PRRG4: variants seen among roughly 807,000 people sequenced by gnomAD.
PRRG4 encodes proline rich and Gla domain 4.
PRRG4 carries 12 observed loss-of-function variants against 20.0 expected under a neutral mutation model. The ratio of observed to expected loss-of-function variants is 0.60; its 90% confidence interval spans 0.38 to 0.97. PRRG4 has a LOEUF of 0.97. PRRG4 is among the 50% of genes least tolerant of loss of function. PRRG4 has a pLI of 0.00. For synonymous variants in PRRG4, 94 were observed against 96.4 expected, an observed-to-expected ratio of 0.98 and a Z score of 0.15; for missense variants, 199 against 265.1, an observed-to-expected ratio of 0.75 and a Z score of 1.73.
chr11:32,851,127 T>A (rs1565118013), intron 5 of PRRG4, among the ~76,000 whole-genome samples: 1 of 152,114 alleles, frequency 6.6e-6, no homozygotes, highest in Non-Finnish European at 1.5e-5. Flanking sequence ...TTTCATTTCT[T>A]AGTTCCTATA....
intron 2 of PRRG4, among the ~76,000 whole-genome samples, chr11:32,832,316 A>G (rs1178521176): frequency 6.6e-6 from 1 of 152,208 alleles, no homozygotes; most frequent in African/African-American, 2.4e-5. Context: ...ACTGTATAAC[A>G]GAAGCCAGAA....
chr11:32,841,590 G>A (rs937683809), intron 5 of PRRG4, among the ~76,000 whole-genome samples: 7 of 152,152 alleles, frequency 4.6e-5, no homozygotes, highest in Admixed American at 4.6e-4. Context: ...CTTGAGGCCA[G>A]GAGTTCAAGA....
intron 5 of PRRG4, among the ~76,000 whole-genome samples, chr11:32,841,657 A>G (rs118003112): frequency 6.6e-6 from 1 of 152,146 alleles, no homozygotes; most frequent in East Asian, 1.9e-4. Flanking sequence ...AAAAAATTCA[A>G]AAATTAGCTG....
At chr11:32,831,981 T>A (rs760193311) in intron 2 of PRRG4, among the ~76,000 whole-genome samples, 10 of 151,988 alleles carry the variant, frequency 6.6e-5, no homozygotes, top group Middle Eastern at 6.8e-3. Context: ...AGAGTGAGAC[T>A]CCATCTCAAA....
rs1328040174 is a variant in PRRG4, at chr11:32,857,325, AT to A, written c.*3803del. 2.6e-5 allele frequency: 4 copies of A among 151,110 alleles called. No individual in the cohort carries two copies. Among genetic ancestry groups the A allele is most frequent in the Non-Finnish European group, 5.9e-5 (4 of 67,878 alleles). 9.4% of individuals were successfully genotyped at this position (151,110 alleles called of 1,614,324 possible). The stretch of plus-strand genomic sequence containing the variant: ...GCCAGCACGCCTTGCAAATTTTTGT[AT>A]TTTTAGTGGAGATGGGGTTTTGCCA... On this transcript the variant is annotated 3_prime_UTR_variant, in exon 6 of 6. Coordinates refer to ENST00000257836, the MANE Select transcript of PRRG4 (RefSeq NM_024081.6).
At chr11:32,849,960 T>C (rs1450180991) in intron 5 of PRRG4, among the ~76,000 whole-genome samples, 1 of 152,258 alleles carries the variant, frequency 6.6e-6, no homozygotes, top group Non-Finnish European at 1.5e-5. Flanking sequence ...TCATTTCCCC[T>C]ATTTAGCAGA....
chr11:32,846,713 C>A (rs1851133841), intron 5 of PRRG4, among the ~76,000 whole-genome samples: 1 of 152,062 alleles, frequency 6.6e-6, no homozygotes, highest in Non-Finnish European at 1.5e-5. Flanking sequence ...TTAGAAAGAA[C>A]TTGGGGCCAC....
At chr11:32,852,028 G>C (rs1851187658) in intron 5 of PRRG4, among the ~76,000 whole-genome samples, 1 of 152,168 alleles carries the variant, frequency 6.6e-6, no homozygotes, top group Non-Finnish European at 1.5e-5. Flanking sequence ...ATAGGTTTAA[G>C]ACCCCAGGCC....
chr11:32,836,880 C>A, intron 3 of PRRG4, 59 bp downstream of exon 3: 1 of 1,403,732 alleles, frequency 7.1e-7, no homozygotes, highest in Non-Finnish European at 9.9e-7. Context: ...AAGAAAGTGG[C>A]ACTTTCAGTT....
At chr11:32,851,270 T>TTA (rs1410766329) in intron 5 of PRRG4, among the ~76,000 whole-genome samples, 1 of 151,702 alleles carries the variant, frequency 6.6e-6, no homozygotes, top group Non-Finnish European at 1.5e-5. Context: ...ACTGATGTAA[T>TTA]TATTACATTG....
chr11:32,839,373 G>T (rs1851053284), intron 4 of PRRG4, among the ~76,000 whole-genome samples: 1 of 152,040 alleles, frequency 6.6e-6, no homozygotes, highest in Non-Finnish European at 1.5e-5. Context: ...ATCATCTCTA[G>T]CTGCATTTTA....
chr11:32,838,454 G>GAA (rs373648250), intron 3 of PRRG4, among the ~76,000 whole-genome samples: 1 of 143,146 alleles, frequency 7.0e-6, no homozygotes, highest in African/African-American at 2.6e-5. Context: ...ATCCTGTCCG[G>GAA]AAAAAAAAAA....
At position 32,854,669 on chromosome 11, in the gene PRRG4, A is replaced by G. The variant is rs1851214732; in HGVS notation, c.*1142A>G. ...TTCACAGAATTTGACATTTCAGTAT[A>G]AATCTGTGACCTTAATATAATCACT... On this transcript the variant is annotated 3_prime_UTR_variant, in exon 6 of 6. Coordinates refer to ENST00000257836, the MANE Select transcript of PRRG4 (RefSeq NM_024081.6). 1 of 152,040 alleles carries G rather than the reference A, an allele frequency of 6.6e-6. No individual in the cohort carries two copies. The highest frequency in any genetic ancestry group is 6.6e-5 in the Admixed American group (1 of 15,248). The allele number at this position is 152,040 out of a possible 1,614,324, so 9.4% of individuals were successfully genotyped here.
chr11:32,852,136 G>C (rs1851188564), intron 5 of PRRG4, among the ~76,000 whole-genome samples: 1 of 152,106 alleles, frequency 6.6e-6, no homozygotes, highest in African/African-American at 2.4e-5. Context: ...GATTAGAGCT[G>C]AGGGGAGAAA....
rs753074313 is a variant in PRRG4 at position 32,830,537 on chromosome 11, C to G, written c.8C>G (p.Thr3Arg). Residue 3 changes from threonine to arginine, a missense_variant, in exon 2 of 6, where the codon ACG becomes AGG. Thr to Arg is a moderately conservative substitution (Grantham distance 71, BLOSUM62 -1). Transcript: ENST00000257836. MF[T>R]LLVLLSQLPT... Reference sequence around the variant, plus strand: ...TTTGACAGTTGCCAGACTATGTTTACGCTTCTGGTTCTACTCAGCCAACTG... The same window carrying G: ...TTTGACAGTTGCCAGACTATGTTTAGGCTTCTGGTTCTACTCAGCCAACTG... 1.3e-6 allele frequency: 2 copies of G among 1,572,506 alleles called. No individual in the cohort carries two copies. Among genetic ancestry groups the G allele is most frequent in the East Asian group, 4.5e-5 (2 of 44,092 alleles).
rs568788565 is a variant in PRRG4, at chr11:32,856,364, T to C, written c.*2837T>C. 3 of 152,332 alleles carry C rather than the reference T, an allele frequency of 2.0e-5. No homozygotes were observed. The highest frequency in any genetic ancestry group is 7.2e-5 in the African/African-American group (3 of 41,568). The allele number at this position is 152,332 out of a possible 1,614,324, so 9.4% of individuals were successfully genotyped here. A position where few individuals can be genotyped will look rare whatever the true frequency, so the allele number is the denominator to read the frequency against. Reference sequence around the variant, plus strand: ...TTCATCATTAAGATTGTGATATTTATAGAGCATCCAATGTGGAGATCATGA... The same window carrying C: ...TTCATCATTAAGATTGTGATATTTACAGAGCATCCAATGTGGAGATCATGA... On this transcript the variant is annotated 3_prime_UTR_variant, in exon 6 of 6. Transcript: ENST00000257836.
chr11:32,836,182 A>C (rs1851017939), intron 2 of PRRG4, among the ~76,000 whole-genome samples: 1 of 152,158 alleles, frequency 6.6e-6, no homozygotes, highest in African/African-American at 2.4e-5. Context: ...AAATTAGGAA[A>C]TGGCAGCCCA....
chr11:32,830,276 G>A, intron 1 of PRRG4, 103 bp downstream of exon 1: 1 of 940,676 alleles, frequency 1.1e-6, no homozygotes, highest in African/African-American at 1.7e-5. Context: ...GGTTGCCCGC[G>A]GCGACAGGTG....
At chr11:32,837,148 G>T (rs888232132) in intron 3 of PRRG4, among the ~76,000 whole-genome samples, 6 of 151,230 alleles carry the variant, frequency 4.0e-5, no homozygotes, top group Non-Finnish European at 8.9e-5. Flanking sequence ...CATTTATGGC[G>T]GAGTGAATTT....
Sources: gnomAD v4.1 joint callset for allele counts (sites outside exome capture counted in the v4.1 genomes callset) on GRCh38, gnomAD v4.1.1 for gene constraint, MANE v1.5 for transcripts, NCBI Gene and HGNC (gene_info 2026-07-23, HGNC 2026-07-21) for gene names.